Variants in SGCZ observed in about 807,000 individuals in gnomAD.
SGCZ encodes zeta-sarcoglycan.
In SGCZ, 40 loss-of-function variants were observed where a neutral mutation model predicts 41.3. The observed-to-expected ratio is 0.97, with a 90% CI of 0.75 to 1.26. The LOEUF is 1.26. Ranked by LOEUF, SGCZ falls within the 50% of genes most tolerant of loss-of-function variation. SGCZ has a pLI of 0.00. For missense variants in SGCZ, 552 were observed against 369.8 expected, an observed-to-expected ratio of 1.49 and a Z score of -4.04; for synonymous variants, 206 against 137.5, an observed-to-expected ratio of 1.50 and a Z score of -3.49.
intron 1 of SGCZ, among the ~76,000 whole-genome samples, chr8:14,768,788 A>G (rs1457592079): frequency 1.3e-5 from 2 of 151,968 alleles, no homozygotes; most frequent in Non-Finnish European, 2.9e-5. Context: ...AAGCTGTCAT[A>G]TGAAACGAGT....
chr8:14,606,471 T>C (rs981432526), intron 1 of SGCZ, among the ~76,000 whole-genome samples: 1 of 152,190 alleles, frequency 6.6e-6, no homozygotes, highest in Non-Finnish European at 1.5e-5. Flanking sequence ...GTTGAGAACT[T>C]CTCAGCATTC....
Position 14,587,787 on chromosome 8 carries a change from G to A in SGCZ, c.40-32861C>T, listed in dbSNP as rs1158267641. On this transcript the variant is annotated intron_variant, in intron 1 of 7. Transcript: ENST00000382080. ...ATCAGGAAGATGAGACTTACAAAAA[G>A]TCTTCTTTTTAACAGGCTCAAAATA... Among the ~76,000 whole-genome samples, 3 of 152,072 alleles carry A rather than the reference G, an allele frequency of 2.0e-5. No homozygotes were observed. In the East Asian group the frequency reaches 5.8e-4, roughly 29 times the overall value.
chr8:14,277,726 C>T, intron 3 of SGCZ, among the ~76,000 whole-genome samples: 1 of 152,082 alleles, frequency 6.6e-6, no homozygotes, highest in Non-Finnish European at 1.5e-5. Context: ...GCCTAACTTC[C>T]TAATCTTCTC....
intron 2 of SGCZ, among the ~76,000 whole-genome samples, chr8:14,448,853 A>G (rs747032395): frequency 1.3e-5 from 2 of 152,146 alleles, no homozygotes; most frequent in African/African-American, 4.8e-5. Context: ...TGATATCTAC[A>G]CTGACATAGC....
At chr8:14,621,530 A>G (rs1806285244) in intron 1 of SGCZ, among the ~76,000 whole-genome samples, 1 of 152,258 alleles carries the variant, frequency 6.6e-6, no homozygotes, top group Non-Finnish European at 1.5e-5. Context: ...AAAAAAGAAA[A>G]TAGGTTTAAT....
At chr8:14,488,191 C>T (rs971757778) in intron 2 of SGCZ, among the ~76,000 whole-genome samples, 5 of 123,188 alleles carry the variant, frequency 4.1e-5, no homozygotes, top group African/African-American at 1.5e-4. Flanking sequence ...TTGTTCCCTA[C>T]TGTCTCACTA....
intron 1 of SGCZ, among the ~76,000 whole-genome samples, chr8:14,651,817 GCTC>G (rs541521113): frequency 6.6e-4 from 100 of 152,064 alleles, no homozygotes; most frequent in African/African-American, 2.2e-3. Context: ...TCTAGCCATT[GCTC>G]CTCAAAATAT....
At chr8:14,223,907 GA>G (rs1284161346) in intron 4 of SGCZ, among the ~76,000 whole-genome samples, 1 of 152,124 alleles carries the variant, frequency 6.6e-6, no homozygotes, top group Non-Finnish European at 1.5e-5. Flanking sequence ...CCAGTAATGT[GA>G]AAAGAGTTTC....
At chr8:14,990,883 T>C (rs1220610765) in intron 1 of SGCZ, among the ~76,000 whole-genome samples, 1 of 151,998 alleles carries the variant, frequency 6.6e-6, no homozygotes, top group Non-Finnish European at 1.5e-5. Context: ...TTTATTTAAA[T>C]CTCAGAGGAT....
At chr8:14,626,962 G>C (rs1585135944) in intron 1 of SGCZ, among the ~76,000 whole-genome samples, 1 of 152,110 alleles carries the variant, frequency 6.6e-6, no homozygotes, top group East Asian at 1.9e-4. Context: ...AAGATGAAAT[G>C]AAATAATGTT....
chr8:15,208,335 ACATAACATCTG>A (rs1801135362), intron 1 of SGCZ, among the ~76,000 whole-genome samples: 1 of 152,224 alleles, frequency 6.6e-6, no homozygotes, highest in Non-Finnish European at 1.5e-5. Context: ...ATGATTTAAG[ACATAACATCTG>A]ACTAACGCAT....
At chr8:14,994,281 T>C (rs2130900156) in intron 1 of SGCZ, among the ~76,000 whole-genome samples, 1 of 152,232 alleles carries the variant, frequency 6.6e-6, no homozygotes, top group Non-Finnish European at 1.5e-5. Context: ...ATTTGTGTGA[T>C]TGCTTTAAGA....
intron 2 of SGCZ, among the ~76,000 whole-genome samples, chr8:14,365,666 G>T (rs923401264): frequency 1.3e-5 from 2 of 152,078 alleles, no homozygotes; most frequent in East Asian, 3.9e-4. Flanking sequence ...ATCTATTTGG[G>T]AAGGTTAGAA....
intron 1 of SGCZ, among the ~76,000 whole-genome samples, chr8:15,061,832 A>G (rs574496640): frequency 2.0e-5 from 3 of 152,202 alleles, no homozygotes; most frequent in Non-Finnish European, 4.4e-5. Flanking sequence ...TAACAGCACA[A>G]TCAGACTAAG....
chr8:14,832,677 G>T (rs1802572560), intron 1 of SGCZ, among the ~76,000 whole-genome samples: 1 of 152,102 alleles, frequency 6.6e-6, no homozygotes, highest in Non-Finnish European at 1.5e-5. Context: ...TGTTATCAGG[G>T]CCAGAGTATA....
intron 1 of SGCZ, among the ~76,000 whole-genome samples, chr8:14,844,710 G>T (rs913243857): frequency 5.9e-5 from 9 of 152,056 alleles, no homozygotes; most frequent in Non-Finnish European, 1.3e-4. Flanking sequence ...AAAACATAAG[G>T]TCCTTATTTT....
chr8:14,679,174 C>A (rs189389807), intron 1 of SGCZ, among the ~76,000 whole-genome samples: 2 of 152,134 alleles, frequency 1.3e-5, no homozygotes. Flanking sequence ...CAATTACTTA[C>A]AATACATAAT....
intron 3 of SGCZ, among the ~76,000 whole-genome samples, chr8:14,290,597 C>T (rs1800806693): frequency 6.6e-6 from 1 of 152,040 alleles, no homozygotes; most frequent in Admixed American, 6.6e-5. Flanking sequence ...CTCAACATCA[C>T]TCATCATTAC....
intron 3 of SGCZ, among the ~76,000 whole-genome samples, chr8:14,271,165 T>G (rs909383375): frequency 6.6e-6 from 1 of 152,024 alleles, no homozygotes; most frequent in Non-Finnish European, 1.5e-5. Flanking sequence ...ACCTGCACGT[T>G]GTGCACATGT....
Sources: allele counts gnomAD v4.1 joint callset (sites outside exome capture counted in the v4.1 genomes callset), GRCh38; gene constraint gnomAD v4.1.1; transcripts MANE v1.5; gene names NCBI Gene and HGNC (gene_info 2026-07-23, HGNC 2026-07-21).